PLEKHG1: variants seen among roughly 807,000 people sequenced by gnomAD.
PLEKHG1 encodes the protein pleckstrin homology and RhoGEF domain containing G1.
A neutral mutation model predicts 100.8 loss-of-function variants in PLEKHG1; 44 were observed. The ratio of observed to expected loss-of-function variants is 0.44; its 90% CI spans 0.34 to 0.56. The LOEUF (loss-of-function observed/expected upper bound fraction) is 0.56, where lower values mean the gene tolerates loss of function less well. PLEKHG1 is among the 20% of genes least tolerant of loss of function. PLEKHG1 has a pLI of 0.01. For missense variants in PLEKHG1, 1,545 were observed against 1,720.9 expected (o/e 0.90, Z 1.81); for synonymous variants, 640 against 662.5 (o/e 0.97, Z 0.52).
intron 2 of PLEKHG1, among the ~76,000 whole-genome samples, chr6:150,750,581 C>A (rs1049734051): frequency 1.3e-5 from 2 of 151,622 alleles, no homozygotes; most frequent in African/African-American, 4.9e-5. Flanking sequence ...GAGATCGAGA[C>A]CATCCCGGCT....
rs146353383 is a variant in PLEKHG1, at chr6:150,690,445, A to G, written c.-99+39659A>G. 1.6e-3 allele frequency among the ~76,000 whole-genome samples: 250 copies of G among 152,136 alleles called. 1 individual carries two copies. Among genetic ancestry groups the G allele is most frequent in the Non-Finnish European group, 2.6e-3 (179 of 67,978 alleles). The stretch of plus-strand genomic sequence containing the variant: ...ACTTCAAGAAGGCTTTTCATACCTC[A>G]CTAGAGTGAGGAAACGGAACATAGA... On this transcript the variant is annotated intron_variant, in intron 3 of 3. Transcript: ENST00000367326.
At chr6:150,814,232 T>C (rs1787724732) in intron 10 of PLEKHG1, among the ~76,000 whole-genome samples, 1 of 152,204 alleles carries the variant, frequency 6.6e-6, no homozygotes, top group South Asian at 2.1e-4. Flanking sequence ...GCAGAGTATC[T>C]TTGATGGGCC....
At chr6:150,695,505 A>T (rs971028697) in intron 3 of PLEKHG1, among the ~76,000 whole-genome samples, 1 of 152,214 alleles carries the variant, frequency 6.6e-6, no homozygotes, top group African/African-American at 2.4e-5. Flanking sequence ...TTGAAAATTT[A>T]AAGTATAGGG....
At chr6:150,624,794 G>T (rs559281807) in intron 1 of PLEKHG1, 2 of 152,106 alleles carry the variant, frequency 1.3e-5, no homozygotes, top group Non-Finnish European at 1.5e-5. Flanking sequence ...CACTTCAAAG[G>T]CACCTTGTAC....
At chr6:150,723,935 A>G (rs545875043) in intron 1 of PLEKHG1, among the ~76,000 whole-genome samples, 27 of 152,214 alleles carry the variant, frequency 1.8e-4, no homozygotes, top group Admixed American at 5.9e-4. Context: ...CACATGTCCA[A>G]TGTCTTGGCT....
rs554654732 is a variant in PLEKHG1 at position 150,644,350 on chromosome 6, T to TG, written c.-158+6225_-158+6226insG. Among the ~76,000 whole-genome samples the TG allele has an allele frequency of 2.3e-3, 346 of 148,768 alleles. 6 individuals are homozygous for TG. The highest frequency in any genetic ancestry group is 8.6e-3 in the African/African-American group (341 of 39,832). Reference sequence around the variant, plus strand: ...TCTTTTCGTGTTTTTTTTTTTTTTTTTTGTTACAGAGTCTCACTCTGTCAC... The same window carrying TG: ...TCTTTTCGTGTTTTTTTTTTTTTTTTGTTGTTACAGAGTCTCACTCTGTCAC... On this transcript the variant is annotated intron_variant, in intron 2 of 3. Coordinates refer to the PLEKHG1 transcript ENST00000367326.
intron 3 of PLEKHG1, chr6:150,686,697 G>A (rs900444795): frequency 6.6e-6 from 1 of 152,194 alleles, no homozygotes; most frequent in Non-Finnish European, 1.5e-5. Context: ...GGCCTCCCGA[G>A]GGAGGTCTGA....
chr6:150,810,512 GAAAAA>G, intron 10 of PLEKHG1, among the ~76,000 whole-genome samples: 1 of 65,502 alleles, frequency 1.5e-5, no homozygotes. Flanking sequence ...AAGAAAGAAA[GAAAAA>G]GAAAGAAAGA....
intron 1 of PLEKHG1, among the ~76,000 whole-genome samples, chr6:150,607,707 G>A (rs934979493): frequency 1.8e-4 from 27 of 152,270 alleles, no homozygotes; most frequent in African/African-American, 5.5e-4. Context: ...AAGGAAAAGC[G>A]TTTCCTTACA....
At chr6:150,721,280 C>A in intron 1 of PLEKHG1, 1 of 576,032 alleles carries the variant, frequency 1.7e-6, no homozygotes, top group Non-Finnish European at 2.2e-6. Context: ...CAGAGAGGTC[C>A]ACCGAGGTGA....
chr6:150,619,260 A>T (rs150155508), intron 1 of PLEKHG1, among the ~76,000 whole-genome samples: 1 of 152,260 alleles, frequency 6.6e-6, no homozygotes, highest in East Asian at 1.9e-4. Context: ...TTCTCCTTCC[A>T]GTGGTCTCCT....
chr6:150,614,694 C>G (rs1283596304), intron 1 of PLEKHG1, among the ~76,000 whole-genome samples: 1 of 152,180 alleles, frequency 6.6e-6, no homozygotes. Context: ...CACTCTCCCT[C>G]CCTCTCTCTC....
exon 12 of PLEKHG1, chr6:150,819,754 A>G (rs1430067309): frequency 1.9e-6 from 3 of 1,603,162 alleles, no homozygotes; most frequent in East Asian, 2.2e-5. Flanking sequence ...TCTGCTCCAT[A>G]TCGGCTGAGA....
chr6:150,655,224 C>T (rs1484883987), intron 3 of PLEKHG1, among the ~76,000 whole-genome samples: 1 of 152,164 alleles, frequency 6.6e-6, no homozygotes, highest in East Asian at 1.9e-4. Context: ...GACGATGTAG[C>T]GATTCCTCAA....
In PLEKHG1 at chr6:150,671,170, G is replaced by A. The variant is rs561692851; in HGVS notation, c.-99+20384G>A. 3.0e-4 allele frequency among the ~76,000 whole-genome samples: 45 copies of A among 151,852 alleles called. No individual in the cohort carries two copies. In the South Asian group the frequency reaches 7.9e-3, roughly 27 times the overall value. On this transcript the variant is annotated intron_variant, in intron 3 of 3. Transcript: ENST00000367326. ...ATTGATGGGAATTTGGGTTGGTTCCGCAGTTGTGAATTGTTCTGCTATAAA... is the reference window on the plus strand; with the variant it reads ...ATTGATGGGAATTTGGGTTGGTTCCACAGTTGTGAATTGTTCTGCTATAAA...
At position 150,801,233 on chromosome 6, in the gene PLEKHG1, T is replaced by C. The variant is rs996338371; in HGVS notation, c.780+364T>C. On this transcript the variant is annotated intron_variant, in intron 6 of 15. Coordinates refer to ENST00000358517, the Ensembl canonical transcript of PLEKHG1. The stretch of plus-strand genomic sequence containing the variant: ...AATTGGAAGGGAAAGCTATTTGTCA[T>C]AGATTGGCTTTTGTATGGAGAGCAA... 2.6e-5 allele frequency among the ~76,000 whole-genome samples: 4 copies of C among 152,110 alleles called. No individual in the cohort carries two copies. In the East Asian group the frequency reaches 7.7e-4, roughly 29 times the overall value.
chr6:150,817,230 G>A (rs77882341), intron 10 of PLEKHG1, among the ~76,000 whole-genome samples: 4,268 of 152,256 alleles, frequency 0.028, 231 homozygotes, highest in African/African-American at 0.098. Context: ...AGTTGAGCTC[G>A]GAGAGCACCC....
chr6:150,699,156 G>T (rs1373889888), intron 3 of PLEKHG1, among the ~76,000 whole-genome samples: 5 of 152,166 alleles, frequency 3.3e-5, no homozygotes, highest in Non-Finnish European at 7.3e-5. Context: ...GTTATTGTCG[G>T]GGGAAACTGA....
At chr6:150,716,693 C>T (rs1278912819), upstream of PLEKHG1, among the ~76,000 whole-genome samples, 1 of 152,176 alleles carries the variant, frequency 6.6e-6, no homozygotes, top group Non-Finnish European at 1.5e-5. Context: ...TCCCAGAAAA[C>T]CTGGATAGTT....
Sources: allele counts gnomAD v4.1 joint callset (sites outside exome capture counted in the v4.1 genomes callset), GRCh38; gene constraint gnomAD v4.1.1; transcripts MANE v1.5; gene names NCBI Gene and HGNC (gene_info 2026-07-23, HGNC 2026-07-21).